The following AOX1 variants were observed in gnomAD, a reference collection of about 807,000 sequenced individuals.
The protein encoded by AOX1 is aldehyde oxidase.
Under a neutral mutation model 169.5 loss-of-function variants are expected in AOX1, and 153 were observed. That is an observed-to-expected ratio of 0.90 (90% CI 0.79 to 1.03). AOX1 has a LOEUF of 1.03. Ranked by LOEUF, AOX1 falls within the 50% of genes least tolerant of loss-of-function variation. The pLI, the probability that AOX1 is intolerant of heterozygous loss-of-function variation, is 0.00. For synonymous variants in AOX1, 562 were observed against 581.9 expected (o/e 0.97, Z 0.49); for missense variants, 1,656 against 1,663.9 (o/e 1.00, Z 0.08).
At chr2:200,606,522 G>T (rs1574915350) in intron 10 of AOX1, among the ~76,000 whole-genome samples, 1 of 152,172 alleles carries the variant, frequency 6.6e-6, no homozygotes, top group South Asian at 2.1e-4. Context: ...TGTGAAGAAA[G>T]TCAATGGTAG....
intron 1 of AOX1, among the ~76,000 whole-genome samples, chr2:200,592,609 T>G (rs959776079): frequency 2.0e-5 from 3 of 152,222 alleles, no homozygotes; most frequent in African/African-American, 4.8e-5. Context: ...TTTGCATCAC[T>G]TAGCATACAT....
rs181693422 is a variant in AOX1 at position 200,594,063 on chromosome 2, G to A, written c.103+860G>A. On this transcript the variant is annotated intron_variant, in intron 2 of 34. Coordinates refer to ENST00000374700, the MANE Select transcript of AOX1 (RefSeq NM_001159.4). Reference sequence around the variant, plus strand: ...GTGGACACCAAAAATGAGATTAAATGTGCCAGGATTTTATTAGGAGAAATG... The same window carrying A: ...GTGGACACCAAAAATGAGATTAAATATGCCAGGATTTTATTAGGAGAAATG... 1.6e-3 allele frequency among the ~76,000 whole-genome samples: 239 copies of A among 152,290 alleles called. 2 individuals carry two copies. Among genetic ancestry groups the A allele is most frequent in the African/African-American group, 5.5e-3 (227 of 41,552 alleles).
At chr2:200,596,309 C>T (rs989587460) in intron 3 of AOX1, among the ~76,000 whole-genome samples, 1 of 152,192 alleles carries the variant, frequency 6.6e-6, no homozygotes, top group Admixed American at 6.5e-5. Context: ...CTCTCACCTT[C>T]CATGCTTTGG....
rs1243862384 is a variant in AOX1 at position 200,591,430 on chromosome 2, G to A, written c.46-1716G>A. Among the ~76,000 whole-genome samples the A allele has an allele frequency of 3.3e-5, 5 of 152,222 alleles. No individual in the cohort carries two copies. In the East Asian group the frequency reaches 9.6e-4, roughly 29 times the overall value. On this transcript the variant is annotated intron_variant, in intron 1 of 34. Coordinates refer to ENST00000374700, the MANE Select transcript of AOX1 (RefSeq NM_001159.4). ...ATGACATACAAAATTCTGCCAAGAA[G>A]AGAGGAAGGATTTTCAGGACAGAGG...
At chr2:200,594,528 A>G (rs2034239302) in intron 2 of AOX1, among the ~76,000 whole-genome samples, 2 of 152,200 alleles carry the variant, frequency 1.3e-5, no homozygotes, top group South Asian at 4.1e-4. Context: ...TCTCCCCACC[A>G]TCAGAGATGA....
intron 31 of AOX1, among the ~76,000 whole-genome samples, chr2:200,664,535 G>A (rs1447300497): frequency 1.3e-5 from 2 of 152,242 alleles, no homozygotes; most frequent in Non-Finnish European, 2.9e-5. Flanking sequence ...TAAGATCCAA[G>A]AACAAGGTAA....
chr2:200,669,960 T>C (rs946683872), intron 34 of AOX1, among the ~76,000 whole-genome samples: 1 of 152,040 alleles, frequency 6.6e-6, no homozygotes, highest in Non-Finnish European at 1.5e-5. Context: ...TTGGCTCCAT[T>C]CTATACTATT....
Position 200,595,272 on chromosome 2 carries a change from T to A in AOX1, c.104T>A (p.Leu35His). 1 of 1,612,160 alleles carries A rather than the reference T, an allele frequency of 6.2e-7. No homozygotes were observed. The highest frequency in any genetic ancestry group is 8.5e-7 in the Non-Finnish European group (1 of 1,178,734). The change falls in exon 3 of 35, where the codon CTT becomes CAT. Residue 35 changes from leucine to histidine, a missense_variant and splice_region_variant. Physicochemically the swap from Leu to His is moderately conservative, Grantham distance 99. Coordinates refer to ENST00000374700, the MANE Select transcript of AOX1 (RefSeq NM_001159.4). ...TMLLPYLRKK[L>H]RLTGTKYGCG... ...TGATCTTTAACTATACCTCTTCCAGTTCGACTCACAGGAACTAAGTATGGC... is the reference window on the plus strand; with the variant it reads ...TGATCTTTAACTATACCTCTTCCAGATCGACTCACAGGAACTAAGTATGGC...
chr2:200,603,443 A>C, intron 7 of AOX1, 87 bp downstream of exon 7: 1 of 1,021,480 alleles, frequency 9.8e-7, no homozygotes, highest in East Asian at 2.5e-5. Context: ...TGGCTACCCA[A>C]GTTGACTAAC....
intron 5 of AOX1, among the ~76,000 whole-genome samples, chr2:200,601,073 C>CTTTT (rs58855977): frequency 0.033 from 4,012 of 120,304 alleles, 228 homozygotes; most frequent in Admixed American, 0.067. Flanking sequence ...GCTTAGAGTG[C>CTTTT]TTTTTTTTTT....
chr2:200,627,891 T>C (rs923963704), intron 20 of AOX1, among the ~76,000 whole-genome samples: 2 of 152,098 alleles, frequency 1.3e-5, no homozygotes, highest in African/African-American at 2.4e-5. Flanking sequence ...AAAGCCCATG[T>C]TTCTTCTTCA....
intron 3 of AOX1, 59 bp downstream of exon 3, chr2:200,595,427 T>A: frequency 7.9e-7 from 1 of 1,269,416 alleles, no homozygotes; most frequent in Non-Finnish European, 1.1e-6. Flanking sequence ...CTTTGTTATA[T>A]TCCTTCATTT....
chr2:200,647,583 A>G (rs2035482203), intron 25 of AOX1, among the ~76,000 whole-genome samples: 1 of 152,138 alleles, frequency 6.6e-6, no homozygotes. Context: ...ATCTTTTTGC[A>G]ATGAATTTTC....
At chr2:200,627,801 A>T (rs74528758) in intron 20 of AOX1, among the ~76,000 whole-genome samples, 1,537 of 152,322 alleles carry the variant, frequency 0.01, 13 homozygotes, top group Middle Eastern at 0.027. Flanking sequence ...CAGCGTAATT[A>T]TGGAGTGTGA....
Position 200,661,563 on chromosome 2 carries a change from T to C in AOX1, c.3376-16T>C. ...TGGGCATCCTTGTTGCATCATGCTATGCTCTTCCTTCACAGGCACAGACTG... is the reference window on the plus strand; with the variant it reads ...TGGGCATCCTTGTTGCATCATGCTACGCTCTTCCTTCACAGGCACAGACTG... On this transcript the variant is annotated splice_polypyrimidine_tract_variant and intron_variant, in intron 29 of 34. Coordinates refer to ENST00000374700, the MANE Select transcript of AOX1 (RefSeq NM_001159.4). The C allele has an allele frequency of 6.2e-7, 1 of 1,610,034 alleles. No homozygotes were observed. The highest frequency in any genetic ancestry group is 1.3e-5 in the African/African-American group (1 of 74,880).
chr2:200,613,826 G>A lies in AOX1; in HGVS notation c.1471G>A (p.Asp491Asn). The change falls in exon 15 of 35, where the codon GAT becomes AAT. Residue 491 changes from aspartate (D) to asparagine (N), a missense_variant. Asp to Asn is a conservative substitution (Grantham distance 23). Coordinates refer to ENST00000374700, the MANE Select transcript of AOX1 (RefSeq NM_001159.4). Reference protein sequence around the residue: ...IGRHWNEQMLDIACRLILNEV... With the variant: ...IGRHWNEQMLNIACRLILNEV... ...CAGGCACTGGAACGAACAGATGCTG[G>A]ATATAGCCTGCAGGCTTATTCTGAA... The A allele has an allele frequency of 3.7e-6, 6 of 1,612,466 alleles. No individual in the cohort carries two copies. Among genetic ancestry groups the A allele is most frequent in the Non-Finnish European group, 4.2e-6 (5 of 1,179,832 alleles).
chr2:200,642,584 A>G (rs753017918), intron 24 of AOX1, 26 bp from the exon 25 acceptor site: 1 of 1,609,094 alleles, frequency 6.2e-7, no homozygotes, highest in South Asian at 1.1e-5. Flanking sequence ...GAAGATCTTA[A>G]TCACATCAAC....
At chr2:200,627,483 A>C (rs1353093843) in intron 20 of AOX1, 34 bp downstream of exon 20, 2 of 1,465,668 alleles carry the variant, frequency 1.4e-6, no homozygotes, top group Non-Finnish European at 1.9e-6. Flanking sequence ...CAACCCTGGA[A>C]GTCTTCTAAG....
chr2:200,589,558 TAAC>T, intron 1 of AOX1, among the ~76,000 whole-genome samples: 1 of 152,324 alleles, frequency 6.6e-6, no homozygotes, highest in South Asian at 2.1e-4. Flanking sequence ...ATGGAGCTAA[TAAC>T]AGAACCTTTT....
Sources: allele counts gnomAD v4.1 joint callset (sites outside exome capture counted in the v4.1 genomes callset), GRCh38; gene constraint gnomAD v4.1.1; transcripts MANE v1.5; gene names NCBI Gene and HGNC (gene_info 2026-07-23, HGNC 2026-07-21).